RNF213: variants seen among roughly 807,000 people sequenced by gnomAD.
RNF213 encodes E3 ubiquitin-protein ligase RNF213.
Under a neutral mutation model 514.4 loss-of-function variants are expected in RNF213, and 341 were observed. The ratio of observed to expected loss-of-function variants is 0.66; its 90% CI spans 0.61 to 0.73. RNF213 has a LOEUF of 0.73. RNF213 is among the 30% of genes least tolerant of loss of function. RNF213 has a pLI of 0.00. For synonymous variants in RNF213, 2,655 were observed against 2,658.2 expected, an observed-to-expected ratio of 1.00 and a Z score of 0.04; for missense variants, 5,767 against 6,615.6, an observed-to-expected ratio of 0.87 and a Z score of 4.45.
At chr17:80,357,828 A>C (rs1162790648) in intron 36 of RNF213, among the ~76,000 whole-genome samples, 1 of 152,158 alleles carries the variant, frequency 6.6e-6, no homozygotes, top group Non-Finnish European at 1.5e-5. Context: ...ATAAAATAAA[A>C]TTTAAAAATT....
chr17:80,363,096 TC>T lies in RNF213; in HGVS notation c.11356-3del, dbSNP rs2079116278. On this transcript the variant is annotated splice_region_variant and splice_polypyrimidine_tract_variant and intron_variant, in intron 39 of 67. Transcript: ENST00000582970. ...AATATATTCTAAAAGCTTTTTTGAA[TC>T]CCAGTTTCTGCAGATGGCTCTGTGG... 1 of 1,613,004 alleles carries T rather than the reference TC, an allele frequency of 6.2e-7. No individual in the cohort carries two copies. The highest frequency in any genetic ancestry group is 1.3e-5 in the African/African-American group (1 of 75,018).
rs758812497 is a variant in RNF213 at position 80,346,802 on chromosome 17, C to T, written c.8467C>T (p.Arg2823Trp). Reference protein sequence around the residue: ...STPQGIISTFRQCARFQQGKD... With the variant: ...STPQGIISTFWQCARFQQGKD... Reference sequence around the variant, plus strand: ...CCCACAGGGCATCATCAGCACCTTCCGGCAGTGCGCCCGCTTTCAGCAGGG... The same window carrying T: ...CCCACAGGGCATCATCAGCACCTTCTGGCAGTGCGCCCGCTTTCAGCAGGG... The change falls in exon 29 of 68, where the codon CGG (arginine) becomes TGG (tryptophan). Residue 2823 changes from arginine to tryptophan, a missense_variant. Arg to Trp is a moderately radical substitution (Grantham distance 101). Around this residue, in one of 13 missense-constraint regions of RNF213, gnomAD observed 105 missense variants for 183.9 expected, o/e 0.57. Coordinates refer to ENST00000582970, the MANE Select transcript of RNF213 (RefSeq NM_001256071.3). This position sits in a 1 kb window ranked among gnomAD's most constrained non-coding sequence, Gnocchi z 8.1. 1.1e-5 allele frequency: 17 copies of T among 1,613,964 alleles called. No individual in the cohort carries two copies. Among genetic ancestry groups the T allele is most frequent in the Non-Finnish European group, 1.2e-5 (14 of 1,180,030 alleles).
At chr17:80,275,139 GT>G (rs2145171886) in intron 3 of RNF213, among the ~76,000 whole-genome samples, 1 of 149,336 alleles carries the variant, frequency 6.7e-6, no homozygotes, top group African/African-American at 2.5e-5. Context: ...TGAGTGGTGT[GT>G]GTGTGTTGGG....
At position 80,346,416 on chromosome 17, in the gene RNF213, A is replaced by G. The variant is rs748701727; in HGVS notation, c.8081A>G (p.His2694Arg). 2 of 1,613,342 alleles carry G rather than the reference A, an allele frequency of 1.2e-6. No homozygotes were observed. The highest frequency in any genetic ancestry group is 1.3e-5 in the African/African-American group (1 of 74,856). The change falls in exon 29 of 68, where the codon CAT becomes CGT. Residue 2694 changes from histidine to arginine, a missense_variant. Physicochemically the swap from His to Arg is conservative, Grantham distance 29. This residue lies in a region of RNF213 where 1,377 missense variants were observed against 1,635.2 expected (regional missense o/e 0.84). Coordinates refer to ENST00000582970, the MANE Select transcript of RNF213 (RefSeq NM_001256071.3). This position sits in a 1 kb window ranked among gnomAD's most constrained non-coding sequence, Gnocchi z 8.1. ...ATGCTGGCCATCGGGGTGTGTTACC[A>G]TGCCTCTTTAGAAAAGAAAGACTCA... Reference protein sequence around the residue: ...SLMLAIGVCYHASLEKKDSYR... With the variant: ...SLMLAIGVCYRASLEKKDSYR...
intron 12 of RNF213, among the ~76,000 whole-genome samples, 179 bp downstream of exon 12, chr17:80,306,647 C>A: frequency 6.6e-6 from 1 of 152,162 alleles, no homozygotes; most frequent in Non-Finnish European, 1.5e-5. Context: ...GTCAGGAGAT[C>A]GAGACCATCC....
chr17:80,342,884 C>T (rs2078201984), intron 26 of RNF213, among the ~76,000 whole-genome samples: 1 of 151,634 alleles, frequency 6.6e-6, no homozygotes. Context: ...CAGCTCACTA[C>T]AACCTCCGCC....
At chr17:80,352,843 G>A (rs1490216506) in intron 32 of RNF213, 97 bp from the exon 33 acceptor site, 1 of 1,574,760 alleles carries the variant, frequency 6.4e-7, no homozygotes, top group Non-Finnish European at 8.7e-7. Context: ...TGCGCAGCAA[G>A]ATAATGACAA....
rs534665632 is a variant in RNF213, at chr17:80,339,232, C to T, written c.4865C>T (p.Ala1622Val). 2.1e-5 allele frequency: 31 copies of T among 1,501,516 alleles called. No homozygotes were observed. In the East Asian group the frequency reaches 5.4e-4, roughly 26 times the overall value. 93.0% of individuals were successfully genotyped at this position (1,501,516 alleles called of 1,614,324 possible). A position where few individuals can be genotyped will look rare whatever the true frequency, so the allele number is the denominator to read the frequency against. ...TGCAGTGTGCAGAGGCTCAGCCAGG[C>T]CTTCATCGACCTGCACTCTGCTGGG... ...VFCSVQRLSQ[A>V]FIDLHSAGNM... is the part of the protein sequence containing the mutation. The change falls in exon 26 of 68, where the codon GCC (alanine) becomes GTC (valine). Residue 1622 changes from alanine to valine, a missense_variant. By Grantham distance (64) the Ala-to-Val change is moderately conservative. This residue lies in a region of RNF213 where 1,377 missense variants were observed against 1,635.2 expected (regional missense o/e 0.84). Transcript: ENST00000582970.
chr17:80,364,600 C>T (rs760607484), intron 42 of RNF213, 47 bp downstream of exon 42: 1 of 1,613,046 alleles, frequency 6.2e-7, no homozygotes, highest in African/African-American at 1.3e-5. Flanking sequence ...CCACCCTTTT[C>T]CGAAAGGAAG....
intron 25 of RNF213, 77 bp from the exon 26 acceptor site, chr17:80,339,124 C>T: frequency 7.9e-7 from 1 of 1,258,702 alleles, no homozygotes; most frequent in Non-Finnish European, 1.1e-6. Flanking sequence ...TGGCGGTAGG[C>T]CTGTGTGCTG....
At chr17:80,337,484 A>C (rs941857190) in intron 23 of RNF213, 102 bp from the exon 24 acceptor site, 3 of 1,428,216 alleles carry the variant, frequency 2.1e-6, no homozygotes, top group Non-Finnish European at 1.9e-6. Flanking sequence ...CGTGGGGAGA[A>C]GGCTCTGCAG....
At position 80,372,518 on chromosome 17, in the gene RNF213, C is replaced by T. The variant is rs888997965; in HGVS notation, c.12538-3C>T. The T allele has an allele frequency of 3.1e-6, 5 of 1,608,460 alleles. No individual in the cohort carries two copies. Among genetic ancestry groups the T allele is most frequent in the Admixed American group, 3.3e-5 (2 of 59,862 alleles). ...CTTTTCTTTCTTGTTCCTTGTTCCT[C>T]AGGATTCAATACTTGAGAAGACCAG... On this transcript the variant is annotated splice_region_variant and splice_polypyrimidine_tract_variant and intron_variant, in intron 47 of 67. Coordinates refer to ENST00000582970, the MANE Select transcript of RNF213 (RefSeq NM_001256071.3).
Position 80,343,238 on chromosome 17 carries a change from G to C in RNF213, c.6096G>C (p.Glu2032Asp), listed in dbSNP as rs373399122. 6.6e-5 allele frequency: 107 copies of C among 1,613,904 alleles called. 1 individual carries two copies. Among genetic ancestry groups the C allele is most frequent in the African/African-American group, 2.7e-5 (2 of 74,880 alleles). ...GACTGATCGACCCTCAGGTGGATGA[G>C]AGCCGAGTCCTGGGCGCCCTGCTGC... ...TIRLIDPQVD[E>D]SRVLGALLPF... The change falls in exon 27 of 68, where the codon GAG becomes GAC. Residue 2032 changes from glutamate to aspartate, a missense_variant. By Grantham distance (45) the Glu-to-Asp change is conservative (BLOSUM62 2). Around this residue, in one of 13 missense-constraint regions of RNF213, gnomAD observed 1,377 missense variants for 1,635.2 expected, o/e 0.84. Coordinates refer to ENST00000582970, the MANE Select transcript of RNF213 (RefSeq NM_001256071.3). This position sits in a 1 kb window ranked among gnomAD's most constrained non-coding sequence, Gnocchi z 4.3.
intron 67 of RNF213, among the ~76,000 whole-genome samples, chr17:80,391,461 C>A (rs747598702): frequency 6.6e-6 from 1 of 152,060 alleles, no homozygotes; most frequent in East Asian, 1.9e-4. Flanking sequence ...AGTACAGAGA[C>A]GGGGTTTCTC....
intron 10 of RNF213, among the ~76,000 whole-genome samples, chr17:80,297,186 T>C (rs1460148084): frequency 6.7e-6 from 1 of 149,618 alleles, no homozygotes. Context: ...GCACGGTGGC[T>C]CACGCCTGTA....
chr17:80,321,544 A>G (rs2046135915), intron 17 of RNF213: 1 of 152,198 alleles, frequency 6.6e-6, no homozygotes, highest in African/African-American at 2.4e-5. Context: ...GCTGAATCAT[A>G]TGGTAACTCC....
intron 65 of RNF213, 121 bp from the exon 66 acceptor site, chr17:80,389,707 T>A: frequency 1.2e-6 from 1 of 860,392 alleles, no homozygotes; most frequent in Non-Finnish European, 1.9e-6. Flanking sequence ...GAGATCACAT[T>A]AGTACAGGGC....
At chr17:80,330,821 C>T (rs1357233040) in intron 20 of RNF213, among the ~76,000 whole-genome samples, 1 of 152,114 alleles carries the variant, frequency 6.6e-6, no homozygotes, top group African/African-American at 2.4e-5. Context: ...GCTGGATGGA[C>T]CATGTCTTTT....
chr17:80,344,108 C>T, intron 28 of RNF213, 93 bp downstream of exon 28: 1 of 1,354,610 alleles, frequency 7.4e-7, no homozygotes, highest in Non-Finnish European at 1.0e-6. Context: ...GGAGACTCCA[C>T]ATCTTTGCCT....
Sources: allele counts gnomAD v4.1 joint callset (sites outside exome capture counted in the v4.1 genomes callset), GRCh38; gene constraint gnomAD v4.1.1; regional missense constraint gnomAD v4.1.1; non-coding constraint Gnocchi (gnomAD v3.1); transcripts MANE v1.5; gene names NCBI Gene and HGNC (gene_info 2026-07-23, HGNC 2026-07-21).